Variants in CPQ observed in about 807,000 individuals in gnomAD.
CPQ encodes the protein carboxypeptidase Q, also known as Ser-Met dipeptidase.
Under a neutral mutation model 45.7 loss-of-function variants are expected in CPQ, and 37 were observed. The observed-to-expected ratio is 0.81, with a 90% CI of 0.62 to 1.07. CPQ has a LOEUF of 1.07. Among genes scored for constraint, CPQ ranks in the 50% least tolerant of loss-of-function variants. The probability of loss-of-function intolerance (pLI) is 0.00; values close to 1 mark genes in which losing one functional copy is unlikely to be tolerated. For missense variants in CPQ, 537 were observed against 572.9 expected, an observed-to-expected ratio of 0.94 and a Z score of 0.64; for synonymous variants, 186 against 205.8, an observed-to-expected ratio of 0.90 and a Z score of 0.82.
chr8:97,019,893 A>T (rs1809647049), intron 5 of CPQ, among the ~76,000 whole-genome samples: 1 of 152,166 alleles, frequency 6.6e-6, no homozygotes, highest in Admixed American at 6.5e-5. Context: ...ATATTTACAG[A>T]ACATTCTACC....
At chr8:96,954,311 T>C (rs904739280) in intron 4 of CPQ, among the ~76,000 whole-genome samples, 6 of 152,080 alleles carry the variant, frequency 3.9e-5, no homozygotes, top group African/African-American at 1.4e-4. Flanking sequence ...ATGGCTACAA[T>C]CGACTAATGA....
At chr8:96,676,014 G>A (rs1462736696) in intron 1 of CPQ, among the ~76,000 whole-genome samples, 3 of 151,696 alleles carry the variant, frequency 2.0e-5, no homozygotes, top group Non-Finnish European at 4.4e-5. Flanking sequence ...AATAATAATT[G>A]TACATACTTA....
chr8:96,900,102 A>C (rs1812495925), intron 4 of CPQ, among the ~76,000 whole-genome samples: 1 of 152,182 alleles, frequency 6.6e-6, no homozygotes, highest in Non-Finnish European at 1.5e-5. Context: ...CCAATGTTAC[A>C]GTTGAGAAAA....
rs866594019 is a variant in CPQ at position 97,033,522 on chromosome 8, C to T, written c.1053+4028C>T. Among the ~76,000 whole-genome samples the T allele has an allele frequency of 2.4e-4, 37 of 152,142 alleles. 1 individual carries two copies. Among genetic ancestry groups the T allele is most frequent in the Middle Eastern group, 6.8e-3 (2 of 292 alleles). ...AATGATCTCTTTCTCGTTTGTATGA[C>T]CTAAAATATAATTTTGTAAATTTTG... On this transcript the variant is annotated intron_variant, in intron 6 of 7. Transcript: ENST00000220763.
At chr8:97,091,092 G>A (rs1811117315) in intron 7 of CPQ, among the ~76,000 whole-genome samples, 1 of 152,186 alleles carries the variant, frequency 6.6e-6, no homozygotes. Context: ...GAGATTTTGT[G>A]TAGAGGAGAG....
intron 1 of CPQ, among the ~76,000 whole-genome samples, chr8:96,701,674 T>A (rs1413223937): frequency 1.3e-5 from 2 of 152,144 alleles, no homozygotes; most frequent in Non-Finnish European, 2.9e-5. Context: ...CACACACATT[T>A]AACTGGGAAG....
chr8:96,917,441 G>A (rs1586450757), intron 4 of CPQ, among the ~76,000 whole-genome samples: 1 of 152,060 alleles, frequency 6.6e-6, no homozygotes, highest in East Asian at 1.9e-4. Flanking sequence ...ATTGTTGTGG[G>A]GTTTTTTGGT....
At chr8:97,089,595 GC>G (rs1369681099) in intron 7 of CPQ, among the ~76,000 whole-genome samples, 3 of 152,172 alleles carry the variant, frequency 2.0e-5, no homozygotes, top group Non-Finnish European at 4.4e-5. Flanking sequence ...ATCCCTTTCT[GC>G]TGGAGATATA....
intron 4 of CPQ, among the ~76,000 whole-genome samples, chr8:96,880,543 A>G (rs1285963549): frequency 3.1e-4 from 6 of 19,260 alleles, no homozygotes; most frequent in African/African-American, 9.2e-4. Context: ...ATATATATAT[A>G]TATATATATA....
chr8:96,760,818 G>A (rs566887935), intron 1 of CPQ, among the ~76,000 whole-genome samples: 2 of 152,292 alleles, frequency 1.3e-5, no homozygotes, highest in African/African-American at 2.4e-5. Context: ...GGAAAATGAT[G>A]TTTTTAATTT....
chr8:97,110,285 G>A (rs547937723), intron 7 of CPQ, among the ~76,000 whole-genome samples: 1 of 152,228 alleles, frequency 6.6e-6, no homozygotes, highest in South Asian at 2.1e-4. Flanking sequence ...CCACGCTGTT[G>A]CATTTATCAA....
At chr8:96,771,767 T>C (rs988598267) in intron 1 of CPQ, among the ~76,000 whole-genome samples, 3 of 152,118 alleles carry the variant, frequency 2.0e-5, no homozygotes, top group African/African-American at 4.8e-5. Flanking sequence ...TACATCCACT[T>C]CTCCTCCCTA....
intron 7 of CPQ, among the ~76,000 whole-genome samples, chr8:97,118,146 G>A (rs1445986113): frequency 6.6e-6 from 1 of 152,140 alleles, no homozygotes; most frequent in African/African-American, 2.4e-5. Context: ...GTACCTTTTG[G>A]TACATCAAAG....
chr8:97,109,725 T>C (rs1033322850), intron 7 of CPQ, among the ~76,000 whole-genome samples: 1 of 152,170 alleles, frequency 6.6e-6, no homozygotes, highest in Non-Finnish European at 1.5e-5. Context: ...TCCTATGGAA[T>C]ATGTACTCAG....
intron 5 of CPQ, among the ~76,000 whole-genome samples, chr8:96,976,247 C>CAAAAAAA (rs55864086): frequency 6.6e-5 from 4 of 60,846 alleles, no homozygotes; most frequent in African/African-American, 6.1e-5. Context: ...CAATAGCTGA[C>CAAAAAAA]AAAAAAAAAA....
intron 7 of CPQ, among the ~76,000 whole-genome samples, chr8:97,073,620 G>A (rs550981114): frequency 6.6e-6 from 1 of 152,316 alleles, no homozygotes; most frequent in African/African-American, 2.4e-5. Flanking sequence ...ACAAGCATGT[G>A]TTGAGTGCCT....
intron 1 of CPQ, among the ~76,000 whole-genome samples, chr8:96,729,708 C>T (rs1318191502): frequency 6.6e-6 from 1 of 152,108 alleles, no homozygotes; most frequent in Non-Finnish European, 1.5e-5. Flanking sequence ...ATACTATTAT[C>T]ACTCCCATTA....
intron 2 of CPQ, among the ~76,000 whole-genome samples, chr8:96,794,042 G>A (rs1442359305): frequency 6.6e-6 from 1 of 152,156 alleles, no homozygotes; most frequent in African/African-American, 2.4e-5. Context: ...AGCTGTTGGT[G>A]GATCTATCAT....
At chr8:97,096,029 T>A (rs1811205465) in intron 7 of CPQ, among the ~76,000 whole-genome samples, 1 of 152,074 alleles carries the variant, frequency 6.6e-6, no homozygotes, top group Admixed American at 6.6e-5. Flanking sequence ...TCAACAAATT[T>A]CCAGTGAAAT....
Sources: gnomAD v4.1 joint callset for allele counts (sites outside exome capture counted in the v4.1 genomes callset) on GRCh38, gnomAD v4.1.1 for gene constraint, MANE v1.5 for transcripts, NCBI Gene and HGNC (gene_info 2026-07-23, HGNC 2026-07-21) for gene names.